Variants in EME1 observed in about 807,000 individuals in gnomAD.
EME1 encodes essential meiotic structure-specific endonuclease 1.
Under a neutral mutation model 59.1 loss-of-function variants are expected in EME1, and 61 were observed. The observed-to-expected ratio is 1.03, with a 90% CI of 0.84 to 1.28. The LOEUF (loss-of-function observed/expected upper bound fraction) is 1.28, where lower values mean the gene tolerates loss of function less well. Ranked by LOEUF, EME1 falls within the 50% of genes most tolerant of loss-of-function variation. EME1 has a pLI of 0.00. For missense variants in EME1, 635 were observed against 682.6 expected (o/e 0.93, Z 0.78); for synonymous variants, 230 against 254.2 (o/e 0.90, Z 0.90).
intron 6 of EME1, 45 bp downstream of exon 6, chr17:50,379,269 C>A: frequency 6.2e-7 from 1 of 1,611,846 alleles, no homozygotes; most frequent in South Asian, 1.1e-5. Flanking sequence ...ACTCACTGGT[C>A]ACCTGAGACT....
chr17:50,376,030 A>AC, intron 2 of EME1, 36 bp from the exon 3 acceptor site: 35 of 1,607,682 alleles, frequency 2.2e-5, no homozygotes, highest in Non-Finnish European at 2.9e-5. Context: ...TGCGTTCTGG[A>AC]CCCCCCACTG....
chr17:50,379,264 C>A, intron 6 of EME1, 40 bp downstream of exon 6: 1 of 1,612,532 alleles, frequency 6.2e-7, no homozygotes, highest in Non-Finnish European at 8.5e-7. Context: ...TGGGTACTCA[C>A]TGGTCACCTG....
At chr17:50,373,721 C>G (rs913272139) in intron 1 of EME1, among the ~76,000 whole-genome samples, 3 of 152,166 alleles carry the variant, frequency 2.0e-5, no homozygotes, top group Non-Finnish European at 2.9e-5. Context: ...GCATATGACC[C>G]AGCAATTCTA....
chr17:50,376,212 A>C lies in EME1; in HGVS notation c.903+19A>C. The C allele has an allele frequency of 6.2e-7, 1 of 1,608,200 alleles. No homozygotes were observed. The highest frequency in any genetic ancestry group is 1.1e-5 in the South Asian group (1 of 90,922). The stretch of plus-strand genomic sequence containing the variant: ...GTCTGAGGTAGGAGTTTTCTGGCTG[A>C]CATTTCCTCCCTCTCCTCCCCTTAC... On this transcript the variant is annotated intron_variant, in intron 3 of 8. Coordinates refer to ENST00000338165, the MANE Select transcript of EME1 (RefSeq NM_152463.4).
chr17:50,379,912 T>C, intron 7 of EME1: 1 of 307,840 alleles, frequency 3.2e-6, no homozygotes, highest in Non-Finnish European at 6.1e-6. Context: ...TCAAGAAGTG[T>C]TCACTGTCAG....
chr17:50,373,480 G>A (rs1913267239), intron 1 of EME1, among the ~76,000 whole-genome samples: 1 of 152,270 alleles, frequency 6.6e-6, no homozygotes, highest in African/African-American at 2.4e-5. Context: ...AAGGGTCAGA[G>A]ATGAGGCCCC....
chr17:50,376,344 G>C, intron 3 of EME1, 151 bp downstream of exon 3: 1 of 1,284,646 alleles, frequency 7.8e-7, no homozygotes, highest in Non-Finnish European at 1.1e-6. Flanking sequence ...ATTGAATAAA[G>C]GGACTGTTTG....
chr17:50,380,501 G>C lies in EME1; in HGVS notation c.1536G>C (p.Gln512His), dbSNP rs1183080752. 3 of 1,613,126 alleles carry C rather than the reference G, an allele frequency of 1.9e-6. No individual in the cohort carries two copies. Among genetic ancestry groups the C allele is most frequent in the Non-Finnish European group, 2.5e-6 (3 of 1,179,884 alleles). ...NAYPSPQLLV[Q>H]AYQQCFSDKE... ...ATCCCTCCCCACAGCTCCTGGTACA[G>C]GTATGCTGCTCCAGGGCTCAGGGGT... is the stretch of plus-strand genomic sequence containing the variant. The change falls in exon 8 of 9, where the codon CAG (glutamine) becomes CAC (histidine). Residue 512 changes from glutamine (Q) to histidine (H), a missense_variant and splice_region_variant. Physicochemically the swap from Gln to His is conservative, Grantham distance 24. Transcript: ENST00000338165.
rs1254264773 is a variant in EME1 at position 50,379,117 on chromosome 17, C to A, written c.1123C>A (p.Pro375Thr). The change falls in exon 6 of 9, where the codon CCT (proline) becomes ACT (threonine). Residue 375 changes from proline to threonine, a missense_variant. By Grantham distance (38) the Pro-to-Thr change is conservative. Transcript: ENST00000338165. ...CCTCCCCTGCACCAGTGCTCAGAAT[C>A]CTCCAAGAAGAGGGAAACAGGGAGC... Reference protein sequence around the residue: ...DQEKCFSAQNPPRRGKQGANK... With the variant: ...DQEKCFSAQNTPRRGKQGANK... The A allele has an allele frequency of 6.2e-7, 1 of 1,614,082 alleles. No homozygotes were observed. The highest frequency in any genetic ancestry group is 1.7e-5 in the Admixed American group (1 of 60,006).
intron 1 of EME1, 140 bp from the exon 2 acceptor site, chr17:50,375,045 A>G (rs1278244551): frequency 4.9e-6 from 3 of 609,652 alleles, no homozygotes; most frequent in African/African-American, 1.9e-5. Context: ...TCCAGATTGA[A>G]TGTGTTGGGG....
intron 7 of EME1, chr17:50,380,086 TTTC>T: frequency 8.3e-6 from 4 of 480,170 alleles, no homozygotes; most frequent in South Asian, 2.7e-5. Context: ...TCTGGTATCT[TTTC>T]TTCTACTATA....
At position 50,381,179 on chromosome 17, in the gene EME1, A is replaced by C. The variant is rs1913821926; in HGVS notation, c.*240A>C. 1 of 527,512 alleles carries C rather than the reference A, an allele frequency of 1.9e-6. No homozygotes were observed. Among genetic ancestry groups the C allele is most frequent in the South Asian group, 2.5e-5 (1 of 40,718 alleles). The allele number at this position is 527,512 out of a possible 1,614,324, so 32.7% of individuals were successfully genotyped here. On this transcript the variant is annotated 3_prime_UTR_variant, in exon 9 of 9. Coordinates refer to ENST00000338165, the MANE Select transcript of EME1 (RefSeq NM_152463.4). ...TCTCCTGGCAAAAATTCACTGCCAC[A>C]GACAAACCACCCCCACTCCTACCCA...
chr17:50,379,287 G>C (rs1342088611), intron 6 of EME1, 63 bp downstream of exon 6: 1 of 1,607,154 alleles, frequency 6.2e-7, no homozygotes, highest in Admixed American at 1.7e-5. Flanking sequence ...ACTTGCTATT[G>C]ATAGAGAATA....
intron 5 of EME1, 26 bp downstream of exon 5, chr17:50,378,921 T>C (rs1913628899): frequency 6.2e-7 from 1 of 1,614,004 alleles, no homozygotes. Flanking sequence ...GGTGATTTCA[T>C]GTTAAAAGGG....
intron 1 of EME1, 28 bp from the exon 2 acceptor site, chr17:50,375,157 C>A: frequency 6.4e-7 from 1 of 1,568,266 alleles, no homozygotes; most frequent in Non-Finnish European, 8.7e-7. Flanking sequence ...ATGCTCCAGT[C>A]TGTGTCATAT....
intron 4 of EME1, 34 bp downstream of exon 4, chr17:50,378,715 CAG>C (rs1164268469): frequency 6.2e-7 from 1 of 1,614,180 alleles, no homozygotes; most frequent in Admixed American, 1.7e-5. Flanking sequence ...GGACACGGAA[CAG>C]AGGGCTGACT....
chr17:50,381,232 A>G lies in EME1; in HGVS notation c.*293A>G. On this transcript the variant is annotated 3_prime_UTR_variant, in exon 9 of 9. Coordinates refer to ENST00000338165, the MANE Select transcript of EME1 (RefSeq NM_152463.4). ...CAGCCCTCAAAACACAAAGGAACAA[A>G]GACAGTCCACTCAGACACTTATTTA... The G allele has an allele frequency of 5.3e-6, 2 of 376,304 alleles. No individual in the cohort carries two copies. Among genetic ancestry groups the G allele is most frequent in the South Asian group, 8.5e-5 (2 of 23,516 alleles). 23.3% of individuals were successfully genotyped at this position (376,304 alleles called of 1,614,324 possible). A position where few individuals can be genotyped will look rare whatever the true frequency, so the allele number is the denominator to read the frequency against.
chr17:50,373,322 C>G, intron 1 of EME1, 45 bp downstream of exon 1: 1 of 986,978 alleles, frequency 1.0e-6, no homozygotes, highest in Non-Finnish European at 1.5e-6. Context: ...CAGGGCTTCC[C>G]TCCTGAACAC....
chr17:50,379,759 T>C (rs1199352352), intron 7 of EME1, 192 bp downstream of exon 7: 2 of 576,138 alleles, frequency 3.5e-6, no homozygotes, highest in Admixed American at 3.0e-5. Context: ...TTTTCAAATA[T>C]TCTCCTTTCG....
Sources: allele counts gnomAD v4.1 joint callset (sites outside exome capture counted in the v4.1 genomes callset), GRCh38; gene constraint gnomAD v4.1.1; transcripts MANE v1.5; gene names NCBI Gene and HGNC (gene_info 2026-07-23, HGNC 2026-07-21).